Variants in HTRA1 observed in about 807,000 individuals in gnomAD.
The protein encoded by HTRA1 is serine protease HTRA1.
In HTRA1, 26 loss-of-function variants were observed where a neutral mutation model predicts 49.7. The observed-to-expected ratio is 0.52, with a 90% CI of 0.38 to 0.73. The LOEUF is 0.73. HTRA1 is among the 30% of genes least tolerant of loss of function. HTRA1 has a pLI of 0.00. For synonymous variants in HTRA1, 291 were observed against 286.9 expected (o/e 1.01, Z -0.14); for missense variants, 561 against 667.2 (o/e 0.84, Z 1.75).
At position 122,506,658 on chromosome 10, in the gene HTRA1, C is replaced by T; in HGVS notation, c.778-33C>T. The T allele has an allele frequency of 6.3e-7, 1 of 1,596,930 alleles. No homozygotes were observed. On this transcript the variant is annotated intron_variant, in intron 3 of 8. Coordinates refer to ENST00000368984, the MANE Select transcript of HTRA1 (RefSeq NM_002775.5). The surrounding 1 kb of genome is among the most constrained non-coding windows in gnomAD (Gnocchi z 5.2). Reference sequence around the variant, plus strand: ...CCTTTACCTATTTGGTTAAATTAAACCAACTCAGCAACGCCAGCCATTGTG... The same window carrying T: ...CCTTTACCTATTTGGTTAAATTAAATCAACTCAGCAACGCCAGCCATTGTG...
At chr10:122,508,584 A>T (rs1189361825) in intron 5 of HTRA1, 72 bp from the exon 6 acceptor site, 1 of 962,346 alleles carries the variant, frequency 1.0e-6, no homozygotes, top group Non-Finnish European at 1.7e-6. Flanking sequence ...TCTTTCAGGC[A>T]TATTCTCTCT....
chr10:122,508,885 C>G lies in HTRA1; in HGVS notation c.1120+115C>G, dbSNP rs2672585. The G allele has an allele frequency of 0.33, 233,207 of 717,230 alleles. 40,105 individuals carry two copies. The highest frequency in any genetic ancestry group is 0.49 in the Admixed American group (24,843 of 50,722). The allele number at this position is 717,230 out of a possible 1,614,324, so 44.4% of individuals were successfully genotyped here. On this transcript the variant is annotated intron_variant, in intron 6 of 8. Coordinates refer to ENST00000368984, the MANE Select transcript of HTRA1 (RefSeq NM_002775.5). ...GCCCCTAGGACTAGCCAAGCCGTCTCTGATCCAGAAGTGAACGGGAATGCA... is the reference window on the plus strand; with the variant it reads ...GCCCCTAGGACTAGCCAAGCCGTCTGTGATCCAGAAGTGAACGGGAATGCA...
At chr10:122,489,957 G>A (rs749538647) in intron 3 of HTRA1, among the ~76,000 whole-genome samples, 55 of 152,178 alleles carry the variant, frequency 3.6e-4, no homozygotes, top group Non-Finnish European at 6.8e-4. Flanking sequence ...GGCAACTCTT[G>A]TTACAGATTT....
chr10:122,500,512 G>A (rs976882507), intron 3 of HTRA1, among the ~76,000 whole-genome samples: 1 of 152,216 alleles, frequency 6.6e-6, no homozygotes, highest in Non-Finnish European at 1.5e-5. Flanking sequence ...AGTGGTTCAA[G>A]GTTGTAGACT....
At chr10:122,507,082 G>A (rs541885649) in intron 4 of HTRA1, among the ~76,000 whole-genome samples, 197 bp downstream of exon 4, 2 of 152,318 alleles carry the variant, frequency 1.3e-5, no homozygotes, top group African/African-American at 2.4e-5. Context: ...CAGGTGGACA[G>A]CCAGCCTCCT....
At chr10:122,507,939 C>A (rs927514683) in intron 5 of HTRA1, among the ~76,000 whole-genome samples, 1 of 132,614 alleles carries the variant, frequency 7.5e-6, no homozygotes, top group African/African-American at 2.6e-5. Flanking sequence ...AGAACACAGA[C>A]CAGCAGAGCT....
rs187645191 is a variant in HTRA1 at position 122,490,710 on chromosome 10, C to T, written c.777+1084C>T. On this transcript the variant is annotated intron_variant, in intron 3 of 8. Coordinates refer to ENST00000368984, the MANE Select transcript of HTRA1 (RefSeq NM_002775.5). The surrounding 1 kb of genome is among the most constrained non-coding windows in gnomAD (Gnocchi z 4.2). ...TGTGGGCTGAGTAATTCCAGACAAG[C>T]GTGGAATTAATCTGGCTGTTTGTGC... Among the ~76,000 whole-genome samples, 212 of 152,224 alleles carry T rather than the reference C, an allele frequency of 1.4e-3. No homozygotes were observed. The highest frequency in any genetic ancestry group is 3.4e-3 in the Middle Eastern group (1 of 294).
At chr10:122,476,674 T>C (rs906670392) in intron 1 of HTRA1, among the ~76,000 whole-genome samples, 15 of 152,296 alleles carry the variant, frequency 9.8e-5, no homozygotes, top group African/African-American at 3.6e-4. Context: ...GTCTCTGCTA[T>C]TGCACCCCTG....
At chr10:122,499,033 G>T (rs375381287) in intron 3 of HTRA1, among the ~76,000 whole-genome samples, 1 of 152,152 alleles carries the variant, frequency 6.6e-6, no homozygotes, top group African/African-American at 2.4e-5. Context: ...TTAACATCTT[G>T]GTGGTGCAGG....
At chr10:122,468,072 C>T (rs993842805) in intron 1 of HTRA1, among the ~76,000 whole-genome samples, 10 of 152,178 alleles carry the variant, frequency 6.6e-5, no homozygotes, top group Non-Finnish European at 1.2e-4. Flanking sequence ...TTATTTAACA[C>T]CTACTGTGTG....
At position 122,487,755 on chromosome 10, in the gene HTRA1, G is replaced by A. The variant is rs1223806620; in HGVS notation, c.473-1147G>A. On this transcript the variant is annotated intron_variant, in intron 1 of 8. Coordinates refer to ENST00000368984, the MANE Select transcript of HTRA1 (RefSeq NM_002775.5). The surrounding 1 kb of genome is among the most constrained non-coding windows in gnomAD (Gnocchi z 4.8). Reference sequence around the variant, plus strand: ...CAGATGGCAGAGCCTGTTGTTTCTAGGATGCACGCCCGTACAGTAGGTTAC... The same window carrying A: ...CAGATGGCAGAGCCTGTTGTTTCTAAGATGCACGCCCGTACAGTAGGTTAC... Among the ~76,000 whole-genome samples, 1 of 152,194 alleles carries A rather than the reference G, an allele frequency of 6.6e-6. No individual in the cohort carries two copies. Among genetic ancestry groups the A allele is most frequent in the Non-Finnish European group, 1.5e-5 (1 of 68,046 alleles).
At chr10:122,466,130 G>T (rs2097483672) in intron 1 of HTRA1, among the ~76,000 whole-genome samples, 1 of 152,114 alleles carries the variant, frequency 6.6e-6, no homozygotes, top group South Asian at 2.1e-4. Context: ...GGGCTTAGAT[G>T]GTTGCTTTAC....
intron 1 of HTRA1, among the ~76,000 whole-genome samples, chr10:122,476,466 C>A (rs570784619): frequency 6.6e-6 from 1 of 152,352 alleles, no homozygotes; most frequent in African/African-American, 2.4e-5. Context: ...CCAACTTGCC[C>A]TCAGGTGCCT....
intron 1 of HTRA1, among the ~76,000 whole-genome samples, chr10:122,478,617 T>C (rs1292771041): frequency 6.6e-6 from 1 of 151,944 alleles, no homozygotes; most frequent in African/African-American, 2.4e-5. Flanking sequence ...TGGTCTCGAT[T>C]TCCTGACCTC....
intron 1 of HTRA1, among the ~76,000 whole-genome samples, chr10:122,479,310 A>G (rs1379358794): frequency 6.6e-6 from 1 of 152,240 alleles, no homozygotes; most frequent in African/African-American, 2.4e-5. Flanking sequence ...GAGGGAGGCT[A>G]GCCTGGGAGC....
At chr10:122,483,842 T>C (rs996992722) in intron 1 of HTRA1, among the ~76,000 whole-genome samples, 1 of 152,362 alleles carries the variant, frequency 6.6e-6, no homozygotes, top group African/African-American at 2.4e-5. Context: ...GATGCTGTTA[T>C]AGTTATATTT....
rs2097493792 is a variant in HTRA1 at position 122,487,934 on chromosome 10, T to A, written c.473-968T>A. The stretch of plus-strand genomic sequence containing the variant: ...GGTATAAAGCATTACAGTTGTTTGA[T>A]TTTTCTCTTTTTCTCACCCACAGTC... On this transcript the variant is annotated intron_variant, in intron 1 of 8. Coordinates refer to ENST00000368984, the MANE Select transcript of HTRA1 (RefSeq NM_002775.5). This position sits in a 1 kb window ranked among gnomAD's most constrained non-coding sequence, Gnocchi z 4.8. 6.6e-6 allele frequency among the ~76,000 whole-genome samples: 1 copy of A among 151,766 alleles called. No individual in the cohort carries two copies. The highest frequency in any genetic ancestry group is 1.5e-5 in the Non-Finnish European group (1 of 67,768).
At position 122,508,610 on chromosome 10, in the gene HTRA1, G is replaced by A. The variant is rs368658891; in HGVS notation, c.1006-46G>A. 17 of 1,237,768 alleles carry A rather than the reference G, an allele frequency of 1.4e-5. 1 individual carries two copies. In the African/African-American group the frequency reaches 1.8e-4, roughly 13 times the overall value. The allele number at this position is 1,237,768 out of a possible 1,614,324, so 76.7% of individuals were successfully genotyped here. ...TATTCTCTCTGGGTGTGTACCTGCC[G>A]GTAAAGCTTCACGATTCAGTAAGCC... On this transcript the variant is annotated intron_variant, in intron 5 of 8. Transcript: ENST00000368984.
rs757237545 is a variant in HTRA1, at chr10:122,462,037, C to T, written c.385C>T (p.Leu129=). The part of the protein sequence containing the change: ...CGSDANTYAN[L]CQLRAASRRS... ...CAGCGACGCCAACACCTACGCCAAC[C>T]TGTGCCAGCTGCGCGCCGCCAGCCG... The change falls in exon 1 of 9, where the codon CTG becomes TTG. Residue 129 remains leucine, a synonymous_variant. Coordinates refer to ENST00000368984, the MANE Select transcript of HTRA1 (RefSeq NM_002775.5). 1.6e-5 allele frequency: 25 copies of T among 1,533,378 alleles called. No homozygotes were observed. The highest frequency in any genetic ancestry group is 7.1e-5 in the South Asian group (6 of 83,924). 95.0% of individuals were successfully genotyped at this position (1,533,378 alleles called of 1,614,324 possible).
Sources: allele counts gnomAD v4.1 joint callset (sites outside exome capture counted in the v4.1 genomes callset), GRCh38; gene constraint gnomAD v4.1.1; non-coding constraint Gnocchi (gnomAD v3.1); transcripts MANE v1.5; gene names NCBI Gene and HGNC (gene_info 2026-07-23, HGNC 2026-07-21).